PRMT9: variants seen among roughly 807,000 people sequenced by gnomAD.
PRMT9 encodes protein arginine N-methyltransferase 9.
Under a neutral mutation model 83.2 loss-of-function variants are expected in PRMT9, and 59 were observed. The ratio of observed to expected loss-of-function variants is 0.71; its 90% CI spans 0.57 to 0.88. The LOEUF is 0.88. PRMT9 is among the 40% of genes least tolerant of loss of function. PRMT9 has a pLI of 0.00. For synonymous variants in PRMT9, 333 were observed against 353.2 expected (o/e 0.94, Z 0.64); for missense variants, 947 against 1,021.9 (o/e 0.93, Z 1.00).
chr4:147,675,191 G>A (rs545910483), intron 2 of PRMT9, among the ~76,000 whole-genome samples: 20 of 152,106 alleles, frequency 1.3e-4, no homozygotes, highest in African/African-American at 4.8e-5. Flanking sequence ...TGTTGGTCAG[G>A]CTGGTCGCAA....
At position 147,681,606 on chromosome 4, in the gene PRMT9, GT is replaced by G. The variant is rs1380837343; in HGVS notation, c.190-1136del. Among the ~76,000 whole-genome samples, 39 of 152,036 alleles carry G rather than the reference GT, an allele frequency of 2.6e-4. 1 individual carries two copies. The highest frequency in any genetic ancestry group is 1.3e-3 in the Admixed American group (20 of 15,244). ...GTTGAAGACCAGCATGGCCAACACG[GT>G]GAAACCCCATCTCTACTAAAAATAT... On this transcript the variant is annotated intron_variant, in intron 1 of 11. Transcript: ENST00000322396.
intron 9 of PRMT9, among the ~76,000 whole-genome samples, chr4:147,651,231 C>T (rs1260438076): frequency 6.6e-6 from 1 of 151,854 alleles, no homozygotes; most frequent in African/African-American, 2.4e-5. Context: ...CAAAAATTAA[C>T]TCAAAATGGA....
intron 9 of PRMT9, among the ~76,000 whole-genome samples, chr4:147,647,422 C>T (rs890480899): frequency 2.0e-5 from 3 of 152,078 alleles, no homozygotes; most frequent in Non-Finnish European, 2.9e-5. Context: ...GCCACCAGTC[C>T]ACCAAATTAT....
chr4:147,648,130 A>C (rs916808223), intron 9 of PRMT9, among the ~76,000 whole-genome samples: 3 of 152,184 alleles, frequency 2.0e-5, no homozygotes, highest in African/African-American at 7.2e-5. Flanking sequence ...ACACCCTTGG[A>C]ACCTACAGAA....
intron 9 of PRMT9, among the ~76,000 whole-genome samples, chr4:147,652,109 CA>C (rs1734139213): frequency 6.6e-6 from 1 of 151,992 alleles, no homozygotes. Context: ...AAAACAAAAA[CA>C]AAAGAAGATC....
intron 2 of PRMT9, among the ~76,000 whole-genome samples, chr4:147,676,392 ATTTT>A (rs1400717439): frequency 6.6e-6 from 1 of 152,208 alleles, no homozygotes; most frequent in Admixed American, 6.5e-5. Context: ...TAAAATATAG[ATTTT>A]TTTAACTAAT....
Position 147,684,150 on chromosome 4 carries a change from C to T in PRMT9, c.-163G>A. 1.2e-6 allele frequency: 1 copy of T among 832,962 alleles called. No homozygotes were observed. The highest frequency in any genetic ancestry group is 1.9e-6 in the Non-Finnish European group (1 of 519,886). 51.6% of individuals were successfully genotyped at this position (832,962 alleles called of 1,614,324 possible). A position where few individuals can be genotyped will look rare whatever the true frequency, so the allele number is the denominator to read the frequency against. On this transcript the variant is annotated 5_prime_UTR_variant, in exon 1 of 12. Coordinates refer to ENST00000322396, the MANE Select transcript of PRMT9 (RefSeq NM_138364.4). ...TCGCCAACCCCAGCCCAGGCGGAAG[C>T]TCCGCCCCGTCCTGGCCCCGCGGGC...
chr4:147,682,223 A>G (rs1481287888), intron 1 of PRMT9, among the ~76,000 whole-genome samples: 2 of 151,962 alleles, frequency 1.3e-5, no homozygotes, highest in African/African-American at 2.4e-5. Context: ...CTTGTTGCCC[A>G]GGCTGGAGCG....
intron 8 of PRMT9, among the ~76,000 whole-genome samples, chr4:147,654,885 G>C (rs539122343): frequency 8.5e-5 from 13 of 152,254 alleles, no homozygotes; most frequent in African/African-American, 3.1e-4. Context: ...GGTGTTGGTG[G>C]AGTACTGCAG....
Position 147,684,051 on chromosome 4 carries a change from G to T in PRMT9, c.-64C>A. On this transcript the variant is annotated 5_prime_UTR_variant, in exon 1 of 12. Transcript: ENST00000322396. ...GTAAACGTAATTAGAAAACTCTCTC[G>T]ATGCTACACTTCCAGGGACCAGACA... The T allele has an allele frequency of 6.6e-7, 1 of 1,505,130 alleles. No individual in the cohort carries two copies. Among genetic ancestry groups the T allele is most frequent in the Non-Finnish European group, 9.1e-7 (1 of 1,099,850 alleles). 93.2% of individuals were successfully genotyped at this position (1,505,130 alleles called of 1,614,324 possible).
chr4:147,648,114 C>G (rs746293976), intron 9 of PRMT9, among the ~76,000 whole-genome samples: 8 of 152,170 alleles, frequency 5.3e-5, no homozygotes, highest in Non-Finnish European at 1.0e-4. Flanking sequence ...TGCCCCAGAA[C>G]TCCTAACACC....
intron 6 of PRMT9, among the ~76,000 whole-genome samples, chr4:147,665,679 G>C (rs2126618610): frequency 6.6e-6 from 1 of 152,258 alleles, no homozygotes; most frequent in Non-Finnish European, 1.5e-5. Flanking sequence ...TAAAAACCAA[G>C]ATCTGGGTTC....
At chr4:147,658,383 A>ATG (rs979143554) in intron 7 of PRMT9, among the ~76,000 whole-genome samples, 11 of 151,216 alleles carry the variant, frequency 7.3e-5, no homozygotes, top group South Asian at 4.2e-4. Flanking sequence ...GTGAGTGTGT[A>ATG]TGTGTGTGTG....
chr4:147,677,623 T>C (rs1282097984), intron 2 of PRMT9, among the ~76,000 whole-genome samples: 1 of 151,620 alleles, frequency 6.6e-6, no homozygotes, highest in Non-Finnish European at 1.5e-5. Context: ...CCGTTTACTT[T>C]TTGCATTTTT....
intron 7 of PRMT9, among the ~76,000 whole-genome samples, chr4:147,660,080 C>T (rs1234059087): frequency 6.6e-6 from 1 of 152,138 alleles, no homozygotes; most frequent in Non-Finnish European, 1.5e-5. Flanking sequence ...GATTATTGTT[C>T]ATTTTGTTAA....
intron 9 of PRMT9, among the ~76,000 whole-genome samples, chr4:147,644,047 G>T (rs1259378511): frequency 6.6e-6 from 1 of 152,180 alleles, no homozygotes; most frequent in Non-Finnish European, 1.5e-5. Context: ...GTGACAACTG[G>T]TGAAATCTGG....
chr4:147,673,720 T>C lies in PRMT9; in HGVS notation c.493A>G (p.Ile165Val), dbSNP rs754157647. Residue 165 changes from isoleucine to valine, a missense_variant, in exon 3 of 12, where the codon ATT becomes GTT. By Grantham distance (29) the Ile-to-Val change is conservative. Transcript: ENST00000322396. ...GCCTTTTGGATTGCTGCATTATAAA[T>C]TGTATTCCTCTTGGTGTCATTAAGC... The part of the protein sequence containing the change: ...IMLNDTKRNT[I>V]YNAAIQKAVC... The C allele has an allele frequency of 5.0e-6, 8 of 1,614,132 alleles. No individual in the cohort carries two copies. The highest frequency in any genetic ancestry group is 1.6e-4 in the Middle Eastern group (1 of 6,062).
Position 147,673,628 on chromosome 4 carries a change from T to C in PRMT9, c.575+10A>G. On this transcript the variant is annotated intron_variant, in intron 3 of 11. Transcript: ENST00000322396. ...CATGTATATACCATTAAAATGCAAT[T>C]ACTACCAACCTTAGTATTCCAGTTC... is the stretch of plus-strand genomic sequence containing the variant. 2.0e-6 allele frequency: 3 copies of C among 1,524,426 alleles called. No individual in the cohort carries two copies. The highest frequency in any genetic ancestry group is 3.4e-4 in the Middle Eastern group (2 of 5,876). The allele number at this position is 1,524,426 out of a possible 1,614,324, so 94.4% of individuals were successfully genotyped here.
intron 3 of PRMT9, 100 bp downstream of exon 3, chr4:147,673,538 A>G: frequency 1.2e-6 from 1 of 836,766 alleles, no homozygotes; most frequent in Non-Finnish European, 2.1e-6. Flanking sequence ...GATTATAAGA[A>G]ATACTTTTAA....
Sources: gnomAD v4.1 joint callset for allele counts (sites outside exome capture counted in the v4.1 genomes callset) on GRCh38, gnomAD v4.1.1 for gene constraint, MANE v1.5 for transcripts, NCBI Gene and HGNC (gene_info 2026-07-23, HGNC 2026-07-21) for gene names.